The following SCN11A variants were observed in gnomAD, a reference collection of about 807,000 sequenced individuals.
The protein encoded by SCN11A is sodium voltage-gated channel alpha subunit 11.
In SCN11A, 122 loss-of-function variants were observed where a neutral mutation model predicts 162.2. The observed-to-expected ratio is 0.75, with a 90% CI of 0.65 to 0.87. The LOEUF is 0.87. Among genes scored for constraint, SCN11A ranks in the 40% least tolerant of loss-of-function variants. The pLI, the probability that SCN11A is intolerant of heterozygous loss-of-function variation, is 0.00. For synonymous variants in SCN11A, 758 were observed against 751.5 expected (o/e 1.01, Z -0.14); for missense variants, 2,015 against 2,181.6 (o/e 0.92, Z 1.52).
At chr3:38,935,238 G>T (rs1272146226) in intron 7 of SCN11A, among the ~76,000 whole-genome samples, 1 of 151,438 alleles carries the variant, frequency 6.6e-6, no homozygotes, top group East Asian at 2.0e-4. Flanking sequence ...TGTGTAGAGG[G>T]AAATTTATAG....
In SCN11A at chr3:38,883,344, C is replaced by A; in HGVS notation, c.3108G>T (p.Lys1036Asn). 6.2e-7 allele frequency: 1 copy of A among 1,614,088 alleles called. No individual in the cohort carries two copies. Among genetic ancestry groups the A allele is most frequent in the Non-Finnish European group, 8.5e-7 (1 of 1,179,960 alleles). ...GGTTCCACCAAATGACCCAGGGAGG[C>A]TTTCTCTTGTCCACGCTACAGCATG... ...CFPCCSVDKR[K>N]PPWVIWWNLR... The change falls in exon 22 of 30, where the codon AAG (lysine) becomes AAT (asparagine). Residue 1036 changes from lysine (K) to asparagine (N), a missense_variant. Lys to Asn is a moderately conservative substitution (Grantham distance 94). Transcript: ENST00000302328.
intron 21 of SCN11A, among the ~76,000 whole-genome samples, chr3:38,883,701 G>A (rs1358975679): frequency 6.6e-6 from 1 of 152,178 alleles, no homozygotes; most frequent in Non-Finnish European, 1.5e-5. Context: ...CATTGGGTCT[G>A]GAAGGAGGAT....
In SCN11A at chr3:39,042,974, A is replaced by AAGAAAG. The variant is rs1553652699; in HGVS notation, c.-404+8886_-404+8887insCTTTCT. 4.7e-3 allele frequency among the ~76,000 whole-genome samples: 492 copies of AAGAAAG among 103,722 alleles called. 9 individuals carry two copies. The highest frequency in any genetic ancestry group is 0.025 in the African/African-American group (463 of 18,582). 68.0% of individuals were successfully genotyped at this position (103,722 alleles called of 152,430 possible). ...CTCCATCTCAAAAAAAAAAAAAAAAAAAAAAGAAAAAGAAAAAAGAAATGA... is the reference window on the plus strand; with the variant it reads ...CTCCATCTCAAAAAAAAAAAAAAAAAAGAAAGAAAAAGAAAAAGAAAAAAGAAATGA... On this transcript the variant is annotated intron_variant, in intron 1 of 29. Transcript: ENST00000302328.
At chr3:38,890,472 C>CT (rs2065481343) in intron 19 of SCN11A, among the ~76,000 whole-genome samples, 1 of 152,172 alleles carries the variant, frequency 6.6e-6, no homozygotes, top group Non-Finnish European at 1.5e-5. Context: ...AGGCAAGAAA[C>CT]TAAAACATAG....
At chr3:38,885,221 C>T in intron 21 of SCN11A, 67 bp downstream of exon 21, 1 of 915,122 alleles carries the variant, frequency 1.1e-6, no homozygotes, top group Non-Finnish European at 1.8e-6. Context: ...AACCACAGAG[C>T]TTCAAAGAAG....
chr3:38,906,315 T>A (rs1356381596), intron 14 of SCN11A, among the ~76,000 whole-genome samples: 1 of 152,170 alleles, frequency 6.6e-6, no homozygotes, highest in Non-Finnish European at 1.5e-5. Context: ...CCCTCCTTAA[T>A]GATAAGAATA....
chr3:38,960,048 T>C (rs1022205515), intron 3 of SCN11A, among the ~76,000 whole-genome samples: 1 of 152,094 alleles, frequency 6.6e-6, no homozygotes, highest in Non-Finnish European at 1.5e-5. Context: ...GCTGGCCATC[T>C]CCTGTCCCTG....
chr3:39,013,255 T>C (rs551036403), intron 2 of SCN11A, among the ~76,000 whole-genome samples: 2 of 152,362 alleles, frequency 1.3e-5, no homozygotes, highest in South Asian at 4.1e-4. Flanking sequence ...TCCAATCCTT[T>C]TTCTTGGCAG....
Position 38,899,890 on chromosome 3 carries a change from T to G in SCN11A, c.2022+4A>C, listed in dbSNP as rs1047542209. The G allele has an allele frequency of 6.2e-7, 1 of 1,612,492 alleles. No individual in the cohort carries two copies. ...TTATGCAGTAAAATAAGAAAGTGCCTTACCACTCTGAAGGAACGCAAGAAT... is the reference window on the plus strand; with the variant it reads ...TTATGCAGTAAAATAAGAAAGTGCCGTACCACTCTGAAGGAACGCAAGAAT... On this transcript the variant is annotated splice_donor_region_variant and intron_variant, in intron 17 of 29. Coordinates refer to ENST00000302328, the MANE Select transcript of SCN11A (RefSeq NM_001349253.2).
intron 28 of SCN11A, among the ~76,000 whole-genome samples, chr3:38,854,890 G>A (rs1241824069): frequency 2.0e-5 from 3 of 152,166 alleles, no homozygotes; most frequent in Admixed American, 6.5e-5. Context: ...TATCTCACAG[G>A]GGTCTTCTGA....
intron 2 of SCN11A, among the ~76,000 whole-genome samples, chr3:39,024,894 A>G (rs2140732): frequency 0.14 from 21,537 of 152,146 alleles, 1,767 homozygotes; most frequent in African/African-American, 0.22. Context: ...AAAATGGACA[A>G]TTTCCCCTGT....
intron 2 of SCN11A, among the ~76,000 whole-genome samples, chr3:38,973,775 C>A (rs2066831284): frequency 6.6e-6 from 1 of 152,114 alleles, no homozygotes. Context: ...GATGACTGCA[C>A]AAGGTTGAGG....
At chr3:38,888,412 C>T (rs1575249732) in intron 19 of SCN11A, among the ~76,000 whole-genome samples, 1 of 152,158 alleles carries the variant, frequency 6.6e-6, no homozygotes, top group African/African-American at 2.4e-5. Context: ...GATCTTCCCA[C>T]TAAAGATGAG....
chr3:38,857,719 GGAAA>G (rs2064893377), intron 28 of SCN11A, among the ~76,000 whole-genome samples: 1 of 152,018 alleles, frequency 6.6e-6, no homozygotes, highest in Admixed American at 6.6e-5. Flanking sequence ...TCAAGATGAA[GGAAA>G]GAATCTTAAG....
At chr3:38,977,995 A>G (rs2066859348) in intron 2 of SCN11A, among the ~76,000 whole-genome samples, 1 of 152,224 alleles carries the variant, frequency 6.6e-6, no homozygotes, top group African/African-American at 2.4e-5. Flanking sequence ...TTTTAGAAGA[A>G]CATACATTCA....
intron 2 of SCN11A, among the ~76,000 whole-genome samples, chr3:38,961,859 T>C (rs1000533019): frequency 2.0e-5 from 3 of 152,246 alleles, no homozygotes; most frequent in African/African-American, 7.2e-5. Context: ...GCTGAAAAGC[T>C]CTTTAGTTTA....
chr3:38,865,829 C>T (rs1482399889), intron 27 of SCN11A, among the ~76,000 whole-genome samples: 1 of 152,010 alleles, frequency 6.6e-6, no homozygotes, highest in Admixed American at 6.6e-5. Flanking sequence ...TGTGTAACCT[C>T]ACTAATGATC....
intron 7 of SCN11A, among the ~76,000 whole-genome samples, chr3:38,935,555 A>T (rs1204092186): frequency 6.6e-6 from 1 of 152,238 alleles, no homozygotes; most frequent in African/African-American, 2.4e-5. Context: ...ATCACCACCG[A>T]TCCCACAGAA....
intron 1 of SCN11A, among the ~76,000 whole-genome samples, chr3:39,043,698 G>C (rs1171545889): frequency 6.6e-6 from 1 of 151,912 alleles, no homozygotes; most frequent in Non-Finnish European, 1.5e-5. Context: ...GGGGTGGGTG[G>C]TGGGGAGGTG....
Sources: allele counts gnomAD v4.1 joint callset (sites outside exome capture counted in the v4.1 genomes callset), GRCh38; gene constraint gnomAD v4.1.1; transcripts MANE v1.5; gene names NCBI Gene and HGNC (gene_info 2026-07-23, HGNC 2026-07-21).